SEC14L3: variants seen among roughly 807,000 people sequenced by gnomAD.
SEC14L3 encodes the protein SEC14 like lipid binding 3, also known as SEC14-like protein 3.
Under a neutral mutation model 57.4 loss-of-function variants are expected in SEC14L3, and 56 were observed. That is an observed-to-expected ratio of 0.97 (90% confidence interval 0.79 to 1.22). The LOEUF is 1.22. SEC14L3 is among the 50% of genes most tolerant of loss of function. The pLI, the probability that SEC14L3 is intolerant of heterozygous loss-of-function variation, is 0.00. For synonymous variants in SEC14L3, 173 were observed against 194.4 expected (o/e 0.89, Z 0.92); for missense variants, 485 against 511.7 (o/e 0.95, Z 0.50).
downstream of SEC14L3, among the ~76,000 whole-genome samples, chr22:30,457,613 C>T (rs960484933): frequency 6.6e-6 from 1 of 151,578 alleles, no homozygotes; most frequent in Non-Finnish European, 1.5e-5. Context: ...GAACTCCTGA[C>T]GTCAAGTGAT....
intron 11 of SEC14L3, among the ~76,000 whole-genome samples, chr22:30,460,549 G>T (rs1394660771): frequency 1.3e-5 from 2 of 152,154 alleles, no homozygotes; most frequent in Non-Finnish European, 2.9e-5. Flanking sequence ...AAAAGCAGGT[G>T]TTGGCCGGGC....
chr22:30,454,749 TATATATA>T (rs551460542), downstream of SEC14L3, among the ~76,000 whole-genome samples: 2,100 of 84,362 alleles, frequency 0.025, 127 homozygotes, highest in East Asian at 0.22. Context: ...ATAATATTAT[TATATATA>T]ATATATAATA....
chr22:30,466,223 C>A, intron 7 of SEC14L3, 111 bp downstream of exon 7: 2 of 982,900 alleles, frequency 2.0e-6, no homozygotes, highest in Non-Finnish European at 1.6e-6. Context: ...TTGCATACAG[C>A]CAAGAAACCA....
intron 6 of SEC14L3, 39 bp from the exon 7 acceptor site, chr22:30,466,433 C>G: frequency 6.2e-7 from 1 of 1,613,844 alleles, no homozygotes; most frequent in Non-Finnish European, 8.5e-7. Flanking sequence ...GAGCACATCA[C>G]ATCTTCTCCT....
chr22:30,463,308 C>T (rs1935324047), intron 8 of SEC14L3, among the ~76,000 whole-genome samples: 2 of 152,218 alleles, frequency 1.3e-5, no homozygotes, highest in Admixed American at 1.3e-4. Flanking sequence ...TGGCTGTTAC[C>T]ATGCCCCAGC....
At chr22:30,460,632 G>A (rs760043061) in intron 11 of SEC14L3, among the ~76,000 whole-genome samples, 37 of 152,030 alleles carry the variant, frequency 2.4e-4, no homozygotes, top group Non-Finnish European at 3.7e-4. Flanking sequence ...TCAGGAGTTC[G>A]AGAGCAGCCT....
chr22:30,455,824 C>T (rs1455950419), downstream of SEC14L3, among the ~76,000 whole-genome samples: 1 of 152,242 alleles, frequency 6.6e-6, no homozygotes, highest in Admixed American at 6.5e-5. Context: ...ACTCTAGCTT[C>T]CCAAGAACAG....
At chr22:30,449,369 T>A (rs1231491114) in intron 12 of SEC14L3, 3 of 1,293,966 alleles carry the variant, frequency 2.3e-6, no homozygotes, top group Non-Finnish European at 3.1e-6. Context: ...GGATTCTATG[T>A]GTCATTCTAT....
At chr22:30,456,299 C>CAAAAAA (rs61284271), downstream of SEC14L3, among the ~76,000 whole-genome samples, 8 of 95,978 alleles carry the variant, frequency 8.3e-5, no homozygotes, top group Admixed American at 1.3e-4. Flanking sequence ...ACCCTGTCTC[C>CAAAAAA]AAAAAAAAAA....
intron 11 of SEC14L3, 160 bp from the exon 12 acceptor site, chr22:30,460,302 A>G: frequency 1.0e-6 from 1 of 984,966 alleles, no homozygotes; most frequent in Admixed American, 6.1e-5. Flanking sequence ...GGGAACTGCC[A>G]ACCCAAGCAG....
Position 30,460,153 on chromosome 22 carries a change from G to A in SEC14L3, c.1082-11C>T. The A allele has an allele frequency of 1.2e-6, 2 of 1,613,294 alleles. No individual in the cohort carries two copies. Among genetic ancestry groups the A allele is most frequent in the Middle Eastern group, 1.7e-4 (1 of 6,058 alleles). ...CGAAGCGTAGGACATCTGGGGGACA[G>A]ATGGAAAGAGGGGCATTGGGCTTGG... On this transcript the variant is annotated splice_polypyrimidine_tract_variant and intron_variant, in intron 11 of 11. Transcript: ENST00000215812.
chr22:30,454,612 TTAGATATAATCTATAATATTATTAG>T, downstream of SEC14L3, among the ~76,000 whole-genome samples: 3 of 82,480 alleles, frequency 3.6e-5, no homozygotes, highest in African/African-American at 1.0e-4. Context: ...TATAATATTA[TTAGATATAATCTATAATATTATTAG>T]ATATAATCTA....
downstream of SEC14L3, among the ~76,000 whole-genome samples, chr22:30,456,503 T>C (rs533344639): frequency 6.7e-4 from 102 of 152,010 alleles, no homozygotes; most frequent in Non-Finnish European, 4.4e-5. Context: ...GCGTGTCACA[T>C]GGTGAGAGGA....
chr22:30,450,566 G>C (rs1211993429), intron 12 of SEC14L3, among the ~76,000 whole-genome samples: 1 of 152,160 alleles, frequency 6.6e-6, no homozygotes, highest in Non-Finnish European at 1.5e-5. Flanking sequence ...GCCTTCCAAA[G>C]TGCTGGGATT....
chr22:30,451,585 C>T (rs972807128), intron 12 of SEC14L3, among the ~76,000 whole-genome samples: 1 of 152,000 alleles, frequency 6.6e-6, no homozygotes, highest in South Asian at 2.1e-4. Context: ...GACTGTGCCC[C>T]GAAGAGTAAG....
downstream of SEC14L3, among the ~76,000 whole-genome samples, chr22:30,454,831 A>C (rs1417751499): frequency 2.9e-5 from 1 of 34,082 alleles, no homozygotes; most frequent in South Asian, 1.8e-3. Flanking sequence ...ATAATATAAT[A>C]TATAATAATA....
chr22:30,452,157 C>A (rs563233234), intron 12 of SEC14L3, among the ~76,000 whole-genome samples: 2 of 151,756 alleles, frequency 1.3e-5, no homozygotes, highest in Admixed American at 1.3e-4. Context: ...GTGTTTCATA[C>A]TAATGCCCCT....
Position 30,461,538 on chromosome 22 carries a change from TTAGGGCCTGCCCC to T in SEC14L3, c.911+4_911+16del. On this transcript the variant is annotated splice_donor_5th_base_variant and intron_variant, in intron 10 of 11. Transcript: ENST00000215812. ...CTCAGCCTGATGGGTCTCTGAGGGG[TTAGGGCCTGCCCC>T]TACCTGAGAACGCAGCCTGGAAATA... 6.2e-7 allele frequency: 1 copy of T among 1,613,666 alleles called. No homozygotes were observed. Among genetic ancestry groups the T allele is most frequent in the Non-Finnish European group, 8.5e-7 (1 of 1,179,918 alleles).
chr22:30,452,572 T>C (rs1321984287), intron 12 of SEC14L3, among the ~76,000 whole-genome samples: 1 of 152,038 alleles, frequency 6.6e-6, no homozygotes, highest in Non-Finnish European at 1.5e-5. Context: ...CACCTACTAA[T>C]CTCAGAATCT....
Sources: gnomAD v4.1 joint callset for allele counts (sites outside exome capture counted in the v4.1 genomes callset) on GRCh38, gnomAD v4.1.1 for gene constraint, MANE v1.5 for transcripts, NCBI Gene and HGNC (gene_info 2026-07-23, HGNC 2026-07-21) for gene names.